Variants in DCDC2C observed in about 807,000 individuals in gnomAD.
DCDC2C encodes doublecortin domain containing 2C.
Under a neutral mutation model 45.0 loss-of-function variants are expected in DCDC2C, and 44 were observed. The ratio of observed to expected loss-of-function variants is 0.98; its 90% CI spans 0.77 to 1.26. The LOEUF (loss-of-function observed/expected upper bound fraction) is 1.26, where lower values mean the gene tolerates loss of function less well. Ranked by LOEUF, DCDC2C falls within the 50% of genes most tolerant of loss-of-function variation. The pLI, the probability that DCDC2C is intolerant of heterozygous loss-of-function variation, is 0.00. For missense variants in DCDC2C, 447 were observed against 468.9 expected (o/e 0.95, Z 0.43); for synonymous variants, 187 against 178.8 (o/e 1.05, Z -0.37).
At chr2:3,811,582 G>A (rs977501094) in intron 10 of DCDC2C, among the ~76,000 whole-genome samples, 34 of 152,006 alleles carry the variant, frequency 2.2e-4, no homozygotes, top group African/African-American at 8.2e-4. Flanking sequence ...TCTTTCTCTT[G>A]CCTGATTGCC....
At chr2:3,735,163 G>T (rs575600067) in intron 3 of DCDC2C, among the ~76,000 whole-genome samples, 1 of 152,172 alleles carries the variant, frequency 6.6e-6, no homozygotes, top group African/African-American at 2.4e-5. Context: ...GCCACTCCAC[G>T]GTCCTTTTTG....
intron 9 of DCDC2C, among the ~76,000 whole-genome samples, chr2:3,784,838 G>A (rs1171515090): frequency 6.6e-6 from 1 of 152,114 alleles, no homozygotes; most frequent in East Asian, 1.9e-4. Flanking sequence ...TAAAAACAAA[G>A]AATTTAGAAT....
intron 9 of DCDC2C, among the ~76,000 whole-genome samples, chr2:3,780,710 C>A (rs1282089411): frequency 1.3e-5 from 2 of 152,204 alleles, no homozygotes; most frequent in Non-Finnish European, 2.9e-5. Flanking sequence ...GCCGTTCCCA[C>A]ATACCCAGCC....
chr2:3,709,489 G>A (rs1283689764), intron 2 of DCDC2C, among the ~76,000 whole-genome samples: 1 of 152,220 alleles, frequency 6.6e-6, no homozygotes, highest in African/African-American at 2.4e-5. Context: ...TTCCAGAAGC[G>A]TTCCGCTGCC....
chr2:3,801,400 G>T (rs1035389632), intron 10 of DCDC2C, among the ~76,000 whole-genome samples: 1 of 152,224 alleles, frequency 6.6e-6, no homozygotes, highest in African/African-American at 2.4e-5. Context: ...AATCCATGGT[G>T]AGTGCTGGGC....
At chr2:3,716,890 T>G (rs1286160522) in intron 2 of DCDC2C, among the ~76,000 whole-genome samples, 2 of 152,218 alleles carry the variant, frequency 1.3e-5, no homozygotes, top group East Asian at 3.8e-4. Flanking sequence ...TTTCTAAGGC[T>G]GAATTCCATT....
chr2:3,746,672 G>C (rs1669373334), intron 4 of DCDC2C, among the ~76,000 whole-genome samples: 2 of 152,152 alleles, frequency 1.3e-5, no homozygotes, highest in African/African-American at 4.8e-5. Context: ...AAAACATCTG[G>C]AAGAACATGT....
chr2:3,813,118 C>G (rs1671457248), intron 10 of DCDC2C, among the ~76,000 whole-genome samples: 1 of 147,042 alleles, frequency 6.8e-6, no homozygotes, highest in Non-Finnish European at 1.5e-5. Context: ...GTCTCCCAGG[C>G]TGGAGTGCAG....
intron 4 of DCDC2C, among the ~76,000 whole-genome samples, chr2:3,742,918 A>G (rs1431301637): frequency 1.3e-5 from 2 of 152,228 alleles, no homozygotes; most frequent in Non-Finnish European, 2.9e-5. Context: ...CATGAATGAA[A>G]GCTCACAGTG....
intron 10 of DCDC2C, among the ~76,000 whole-genome samples, chr2:3,811,657 T>C (rs981345415): frequency 3.3e-5 from 5 of 152,178 alleles, no homozygotes; most frequent in Non-Finnish European, 5.9e-5. Context: ...TGGCTTGTAC[T>C]GGTTTTCAAA....
Position 3,727,026 on chromosome 2 carries a change from T to G in DCDC2C, c.363T>G (p.Asp121Glu). The G allele has an allele frequency of 6.4e-7, 1 of 1,550,566 alleles. No homozygotes were observed. Among genetic ancestry groups the G allele is most frequent in the Non-Finnish European group, 8.7e-7 (1 of 1,146,964 alleles). ...AGATCAAACCAGTGGTGCATTGTGA[T>G]ATAAATGTGCCTTCCAAGTGGCAAA... is the stretch of plus-strand genomic sequence containing the variant. ...LKEIKPVVHC[D>E]INVPSKWQTY... Residue 121 changes from aspartate (D) to glutamate (E), a missense_variant, in exon 3 of 11, where the codon GAT (aspartate) becomes GAG (glutamate). Asp to Glu is a conservative substitution (Grantham distance 45). Coordinates refer to ENST00000399143, the MANE Select transcript of DCDC2C (RefSeq NM_001287444.2).
At chr2:3,731,592 C>G (rs1369474569) in intron 3 of DCDC2C, among the ~76,000 whole-genome samples, 1 of 152,188 alleles carries the variant, frequency 6.6e-6, no homozygotes, top group Admixed American at 6.5e-5. Context: ...GTTTAACCAG[C>G]AATTCCATTT....
At chr2:3,788,025 A>G (rs1274409866) in intron 10 of DCDC2C, among the ~76,000 whole-genome samples, 1 of 152,270 alleles carries the variant, frequency 6.6e-6, no homozygotes, top group Non-Finnish European at 1.5e-5. Context: ...TGTACTTACA[A>G]GGAATTTTTC....
chr2:3,807,654 A>G (rs1338646600), intron 10 of DCDC2C, among the ~76,000 whole-genome samples: 8 of 151,962 alleles, frequency 5.3e-5, no homozygotes, highest in Admixed American at 5.2e-4. Flanking sequence ...ACACACAGTC[A>G]TATAACTACC....
At chr2:3,710,696 T>C (rs952949261) in intron 2 of DCDC2C, among the ~76,000 whole-genome samples, 1 of 152,222 alleles carries the variant, frequency 6.6e-6, no homozygotes, top group Non-Finnish European at 1.5e-5. Context: ...CATGAGTACC[T>C]ACTGTTTAGT....
intron 6 of DCDC2C, among the ~76,000 whole-genome samples, chr2:3,764,500 A>G (rs975499726): frequency 4.6e-5 from 7 of 152,214 alleles, no homozygotes; most frequent in African/African-American, 7.2e-5. Flanking sequence ...AGGAAAGAGC[A>G]TATTTGTATG....
intron 6 of DCDC2C, among the ~76,000 whole-genome samples, chr2:3,763,294 C>T (rs1223278087): frequency 6.6e-6 from 1 of 152,156 alleles, no homozygotes; most frequent in Admixed American, 6.5e-5. Context: ...TCCATTCTAT[C>T]GCACCTCAGA....
intron 9 of DCDC2C, among the ~76,000 whole-genome samples, chr2:3,783,283 T>G (rs928467975): frequency 2.0e-5 from 3 of 152,190 alleles, no homozygotes; most frequent in African/African-American, 7.2e-5. Context: ...TTTCTCTTCC[T>G]CCAAGAGCAT....
At chr2:3,744,275 G>A in intron 4 of DCDC2C, among the ~76,000 whole-genome samples, 1 of 152,226 alleles carries the variant, frequency 6.6e-6, no homozygotes, top group East Asian at 1.9e-4. Context: ...TCATGGCACA[G>A]CAGGCGGAGC....
Sources: allele counts gnomAD v4.1 joint callset (sites outside exome capture counted in the v4.1 genomes callset), GRCh38; gene constraint gnomAD v4.1.1; transcripts MANE v1.5; gene names NCBI Gene and HGNC (gene_info 2026-07-23, HGNC 2026-07-21).